ALK: variants seen among roughly 807,000 people sequenced by gnomAD.
The protein encoded by ALK is ALK receptor tyrosine kinase, also known as ALK tyrosine kinase receptor.
ALK carries 74 observed loss-of-function variants against 163.1 expected under a neutral mutation model. The ratio of observed to expected loss-of-function variants is 0.45; its 90% CI spans 0.38 to 0.55. The LOEUF is 0.55. Ranked by LOEUF, ALK falls within the 20% of genes least tolerant of loss-of-function variation. The pLI, the probability that ALK is intolerant of heterozygous loss-of-function variation, is 0.00. For missense variants in ALK, 2,063 were observed against 2,105.3 expected (o/e 0.98, Z 0.39); for synonymous variants, 960 against 843.2 (o/e 1.14, Z -2.40).
intron 3 of ALK, among the ~76,000 whole-genome samples, chr2:29,659,282 T>A (rs567876242): frequency 6.6e-6 from 1 of 152,128 alleles, no homozygotes; most frequent in Admixed American, 6.5e-5. Context: ...GAAATTAGCA[T>A]TGCATTTATA....
At chr2:29,290,596 T>C (rs1665996885) in intron 9 of ALK, among the ~76,000 whole-genome samples, 1 of 152,232 alleles carries the variant, frequency 6.6e-6, no homozygotes, top group African/African-American at 2.4e-5. Flanking sequence ...TTTAGCACAG[T>C]GTACCAACCT....
At chr2:29,909,811 A>G (rs1667652553) in intron 1 of ALK, among the ~76,000 whole-genome samples, 1 of 152,220 alleles carries the variant, frequency 6.6e-6, no homozygotes, top group Non-Finnish European at 1.5e-5. Context: ...TAAACTAACC[A>G]TAGAATAAAG....
chr2:29,307,835 A>G (rs1305746858), intron 8 of ALK, among the ~76,000 whole-genome samples: 1 of 152,222 alleles, frequency 6.6e-6, no homozygotes, highest in Non-Finnish European at 1.5e-5. Flanking sequence ...GAGGCTTAAG[A>G]AATGCTGGAT....
intron 5 of ALK, among the ~76,000 whole-genome samples, chr2:29,344,640 G>A (rs757536639): frequency 1.5e-4 from 23 of 152,220 alleles, no homozygotes; most frequent in Non-Finnish European, 2.8e-4. Context: ...AATGCCATGT[G>A]GCATGAAAAA....
chr2:29,497,340 T>C (rs1672055938), intron 4 of ALK, among the ~76,000 whole-genome samples: 1 of 152,060 alleles, frequency 6.6e-6, no homozygotes, highest in African/African-American at 2.4e-5. Context: ...CCTGTGAATG[T>C]TCTCCAGGTC....
At chr2:29,579,410 G>A (rs77942204) in intron 3 of ALK, among the ~76,000 whole-genome samples, 2,120 of 152,270 alleles carry the variant, frequency 0.014, 22 homozygotes, top group African/African-American at 0.026. Flanking sequence ...AGGCCTTAAA[G>A]ATCCCCATGG....
chr2:29,320,770 G>C lies in ALK; in HGVS notation c.1527C>G (p.Ala509=). 6.2e-7 allele frequency: 1 copy of C among 1,613,958 alleles called. No homozygotes were observed. The highest frequency in any genetic ancestry group is 8.5e-7 in the Non-Finnish European group (1 of 1,180,002). Residue 509 remains alanine, a synonymous_variant, in exon 7 of 29, where the codon GCC becomes GCG. Transcript: ENST00000389048. ...TAGTACCTTGGTGGTCCTGGAACCG[G>C]GCATCCTTTAGGGTCCTGACCTGCC... The part of the protein sequence containing the change: ...PQWQVRTLKD[A]RFQDHQDHAL...
At chr2:29,249,766 C>T (rs542574403) in intron 12 of ALK, among the ~76,000 whole-genome samples, 87 of 152,298 alleles carry the variant, frequency 5.7e-4, no homozygotes, top group South Asian at 1.5e-3. Flanking sequence ...CTGGGCCCCA[C>T]GGAGGCTTGG....
chr2:29,346,970 G>A (rs1667967449), intron 5 of ALK, among the ~76,000 whole-genome samples: 1 of 152,068 alleles, frequency 6.6e-6, no homozygotes, highest in East Asian at 1.9e-4. Context: ...GGTCAGATGT[G>A]GTCTCCATCT....
chr2:29,427,473 T>C (rs908117673), intron 4 of ALK, among the ~76,000 whole-genome samples: 6 of 152,020 alleles, frequency 3.9e-5, no homozygotes, highest in Non-Finnish European at 7.4e-5. Context: ...TAAGTTAATA[T>C]AAATCTAAAA....
chr2:29,740,086 T>A (rs982866173), intron 1 of ALK, among the ~76,000 whole-genome samples: 1 of 152,116 alleles, frequency 6.6e-6, no homozygotes, highest in African/African-American at 2.4e-5. Context: ...CCTAGTTTAG[T>A]AGAACCTCAG....
In ALK at chr2:29,600,536, GAGA is replaced by G. The variant is rs1349857547; in HGVS notation, c.953-68423_953-68421del. 7.9e-5 allele frequency among the ~76,000 whole-genome samples: 12 copies of G among 152,310 alleles called. 1 individual carries two copies. The East Asian group carries it at 2.3e-3, about 29-fold the overall frequency. ...GTTAAAGAAGTAGCTCCTGGCATTG[GAGA>G]AGAAGCAAATGAGAGAAACAGATCC... On this transcript the variant is annotated intron_variant, in intron 3 of 28. Coordinates refer to ENST00000389048, the MANE Select transcript of ALK (RefSeq NM_004304.5).
intron 1 of ALK, among the ~76,000 whole-genome samples, 179 bp from the exon 2 acceptor site, chr2:29,717,876 T>C (rs1679309398): frequency 6.6e-6 from 1 of 152,162 alleles, no homozygotes; most frequent in Admixed American, 6.6e-5. Flanking sequence ...CTGATGTACA[T>C]TTTCTATCAA....
rs75688433 is a variant in ALK at position 29,472,570 on chromosome 2, C to T, written c.1154+59345G>A. The stretch of plus-strand genomic sequence containing the variant: ...GTTACCACTTCTAACATACATTTTA[C>T]TAGTTCTCTTAGCCAATACAATAAG... On this transcript the variant is annotated intron_variant, in intron 4 of 28. Coordinates refer to ENST00000389048, the MANE Select transcript of ALK (RefSeq NM_004304.5). Among the ~76,000 whole-genome samples, 830 of 152,164 alleles carry T rather than the reference C, an allele frequency of 5.5e-3. 14 individuals are homozygous for T. Among genetic ancestry groups the T allele is most frequent in the African/African-American group, 0.019 (772 of 41,506 alleles).
At chr2:29,304,747 A>C (rs192462850) in intron 8 of ALK, among the ~76,000 whole-genome samples, 2 of 152,348 alleles carry the variant, frequency 1.3e-5, no homozygotes, top group Admixed American at 1.3e-4. Context: ...TAAGCCAACC[A>C]CTTACCTCCT....
At chr2:29,607,403 A>G (rs1476108441) in intron 3 of ALK, among the ~76,000 whole-genome samples, 1 of 152,018 alleles carries the variant, frequency 6.6e-6, no homozygotes, top group African/African-American at 2.4e-5. Context: ...GCTACCTCCC[A>G]CCCATTTCTG....
intron 1 of ALK, among the ~76,000 whole-genome samples, chr2:29,785,548 C>A (rs1663986632): frequency 1.3e-5 from 2 of 152,184 alleles, no homozygotes. Flanking sequence ...TTGTCCACAA[C>A]CTTTCACACA....
At chr2:29,464,687 A>T (rs1163907215) in intron 4 of ALK, among the ~76,000 whole-genome samples, 1 of 152,162 alleles carries the variant, frequency 6.6e-6, no homozygotes, top group African/African-American at 2.4e-5. Flanking sequence ...ACATTTGGTA[A>T]TGTGAGGACG....
intron 12 of ALK, among the ~76,000 whole-genome samples, chr2:29,249,685 A>G (rs1246283153): frequency 2.0e-5 from 3 of 152,172 alleles, no homozygotes; most frequent in Non-Finnish European, 2.9e-5. Context: ...CTATGCTCAT[A>G]CAGGAGCAAC....
Sources: allele counts gnomAD v4.1 joint callset (sites outside exome capture counted in the v4.1 genomes callset), GRCh38; gene constraint gnomAD v4.1.1; transcripts MANE v1.5; gene names NCBI Gene and HGNC (gene_info 2026-07-23, HGNC 2026-07-21).